Variants in PGM2L1 observed in about 807,000 individuals in gnomAD.
The protein encoded by PGM2L1 is glucose 1,6-bisphosphate synthase.
Under a neutral mutation model 73.4 loss-of-function variants are expected in PGM2L1, and 35 were observed. The observed-to-expected ratio is 0.48, with a 90% CI of 0.36 to 0.63. PGM2L1 has a LOEUF of 0.63. PGM2L1 is among the 30% of genes least tolerant of loss of function. PGM2L1 has a pLI of 0.00. For synonymous variants in PGM2L1, 225 were observed against 253.8 expected (o/e 0.89, Z 1.08); for missense variants, 570 against 742.0 (o/e 0.77, Z 2.69).
Position 74,336,906 on chromosome 11 carries a change from A to C in PGM2L1, c.1767-152T>G, listed in dbSNP as rs548325555. On this transcript the variant is annotated intron_variant, in intron 13 of 13. Coordinates refer to ENST00000298198, the MANE Select transcript of PGM2L1 (RefSeq NM_173582.6). ...ACTTGGTTAAAACAAAACAAGACCA[A>C]AAAAAAAAATTACACACAAAGAAAA... 80 of 511,366 alleles carry C rather than the reference A, an allele frequency of 1.6e-4. 1 individual carries two copies. Among genetic ancestry groups the C allele is most frequent in the African/African-American group, 1.5e-3 (75 of 50,506 alleles). The allele number at this position is 511,366 out of a possible 1,614,324, so 31.7% of individuals were successfully genotyped here.
Position 74,335,941 on chromosome 11 carries a change from G to A in PGM2L1, c.*711C>T, listed in dbSNP as rs1469412244. Reference sequence around the variant, plus strand: ...GTTTTTTCTGTTCACACCAGACCCTGAGAAGGCACTGAGAAATTTGATAAG... The same window carrying A: ...GTTTTTTCTGTTCACACCAGACCCTAAGAAGGCACTGAGAAATTTGATAAG... On this transcript the variant is annotated 3_prime_UTR_variant, in exon 14 of 14. Coordinates refer to ENST00000298198, the MANE Select transcript of PGM2L1 (RefSeq NM_173582.6). 2 of 152,620 alleles carry A rather than the reference G, an allele frequency of 1.3e-5. No homozygotes were observed. The highest frequency in any genetic ancestry group is 4.8e-5 in the African/African-American group (2 of 41,444). The allele number at this position is 152,620 out of a possible 1,614,324, so 9.5% of individuals were successfully genotyped here. A position where few individuals can be genotyped will look rare whatever the true frequency, so the allele number is the denominator to read the frequency against.
intron 1 of PGM2L1, among the ~76,000 whole-genome samples, chr11:74,386,812 T>C (rs1863024663): frequency 1.3e-5 from 2 of 152,046 alleles, no homozygotes; most frequent in Admixed American, 1.3e-4. Context: ...AAAAACAAAA[T>C]GATATTTTAA....
At position 74,368,375 on chromosome 11, in the gene PGM2L1, CT is replaced by C. The variant is rs889698101; in HGVS notation, c.555+116del. On this transcript the variant is annotated intron_variant, in intron 5 of 13. Transcript: ENST00000298198. The stretch of plus-strand genomic sequence containing the variant: ...TGAGGACCAGCCTCAGTGTTTTTAA[CT>C]TTCTGTTCCCAATGTCTAGCTCTGC... The C allele has an allele frequency of 3.9e-5, 32 of 818,756 alleles. No homozygotes were observed. In the Admixed American group the frequency reaches 7.7e-4, roughly 20 times the overall value. The allele number at this position is 818,756 out of a possible 1,614,324, so 50.7% of individuals were successfully genotyped here. A position where few individuals can be genotyped will look rare whatever the true frequency, so the allele number is the denominator to read the frequency against.
intron 5 of PGM2L1, among the ~76,000 whole-genome samples, chr11:74,364,413 A>G (rs1862618824): frequency 6.6e-6 from 1 of 152,182 alleles, no homozygotes; most frequent in Non-Finnish European, 1.5e-5. Context: ...TAGGAAAAGA[A>G]GAAGTCAAAT....
intron 5 of PGM2L1, among the ~76,000 whole-genome samples, chr11:74,368,221 C>T (rs569645383): frequency 1.4e-4 from 22 of 152,056 alleles, no homozygotes; most frequent in South Asian, 6.2e-4. Flanking sequence ...CTTTATGAAA[C>T]GGTAGAGAGG....
chr11:74,344,620 C>T (rs569548078), intron 9 of PGM2L1, among the ~76,000 whole-genome samples: 1 of 152,180 alleles, frequency 6.6e-6, no homozygotes, highest in Non-Finnish European at 1.5e-5. Context: ...CTCCCTGCTA[C>T]AACAAAAACA....
chr11:74,382,489 C>CTATTTT (rs566971908), intron 1 of PGM2L1, among the ~76,000 whole-genome samples: 9 of 152,168 alleles, frequency 5.9e-5, no homozygotes, highest in South Asian at 4.2e-4. Flanking sequence ...ACTGTATTTA[C>CTATTTT]TATTTTTATT....
intron 9 of PGM2L1, 78 bp from the exon 10 acceptor site, chr11:74,343,494 C>A (rs772464959): frequency 1.9e-5 from 29 of 1,554,210 alleles, no homozygotes; most frequent in African/African-American, 2.8e-5. Flanking sequence ...CCACTACATG[C>A]ACACAACGTT....
At position 74,336,559 on chromosome 11, in the gene PGM2L1, A is replaced by C; in HGVS notation, c.*93T>G. 2 of 715,668 alleles carry C rather than the reference A, an allele frequency of 2.8e-6. No individual in the cohort carries two copies. The highest frequency in any genetic ancestry group is 4.4e-6 in the Non-Finnish European group (2 of 455,770). The allele number at this position is 715,668 out of a possible 1,614,324, so 44.3% of individuals were successfully genotyped here. ...AAAAAGATACTCGGCCAGATGAGAT[A>C]GAGAGAGAATGCTAACACAAGGTTC... is the stretch of plus-strand genomic sequence containing the variant. On this transcript the variant is annotated 3_prime_UTR_variant, in exon 14 of 14. Coordinates refer to ENST00000298198, the MANE Select transcript of PGM2L1 (RefSeq NM_173582.6).
chr11:74,374,643 CT>C, intron 1 of PGM2L1, 61 bp from the exon 2 acceptor site: 1 of 1,448,350 alleles, frequency 6.9e-7, no homozygotes, highest in Non-Finnish European at 9.5e-7. Context: ...ATATTAAGCC[CT>C]TCTGAGGGGT....
At chr11:74,356,958 C>T (rs912085626) in intron 5 of PGM2L1, among the ~76,000 whole-genome samples, 6 of 152,152 alleles carry the variant, frequency 3.9e-5, no homozygotes, top group African/African-American at 4.8e-5. Context: ...CTCAGACTCC[C>T]GAGTAGCTAG....
chr11:74,351,505 A>G lies in PGM2L1; in HGVS notation c.627T>C (p.Cys209=), dbSNP rs1323524323. 1 of 1,613,728 alleles carries G rather than the reference A, an allele frequency of 6.2e-7. No homozygotes were observed. Among genetic ancestry groups the G allele is most frequent in the South Asian group, 1.1e-5 (1 of 91,068 alleles). ...DKEILKCIEE[C]VEPWNGSWND... ...TCCAGGAACCATTCCAGGGTTCCACACATTCTTCTATACATTTTAGAATTT... is the reference window on the plus strand; with the variant it reads ...TCCAGGAACCATTCCAGGGTTCCACGCATTCTTCTATACATTTTAGAATTT... The change falls in exon 6 of 14, where the codon TGT becomes TGC. Residue 209 remains cysteine, a synonymous_variant. Coordinates refer to ENST00000298198, the MANE Select transcript of PGM2L1 (RefSeq NM_173582.6).
chr11:74,363,371 G>A (rs1243790037), intron 5 of PGM2L1, among the ~76,000 whole-genome samples: 2 of 151,918 alleles, frequency 1.3e-5, no homozygotes, highest in African/African-American at 4.8e-5. Context: ...CTAGCAGAAG[G>A]CAAGAAATAA....
At chr11:74,351,623 G>T (rs1459353778) in intron 5 of PGM2L1, 47 bp from the exon 6 acceptor site, 1 of 1,474,334 alleles carries the variant, frequency 6.8e-7, no homozygotes, top group Admixed American at 2.1e-5. Context: ...ATGCTTGCCA[G>T]ATCTTTTCTT....
chr11:74,389,282 C>G (rs61258589), intron 1 of PGM2L1, among the ~76,000 whole-genome samples: 31,194 of 151,810 alleles, frequency 0.21, 3,537 homozygotes, highest in East Asian at 0.3. Context: ...AAACAAAAAC[C>G]CTGAGCTAAT....
chr11:74,347,379 C>T (rs1311260404), intron 6 of PGM2L1, 42 bp from the exon 7 acceptor site: 3 of 1,420,970 alleles, frequency 2.1e-6, no homozygotes, highest in Non-Finnish European at 9.5e-7. Flanking sequence ...TACAAAACCT[C>T]TTACCTTTGA....
At chr11:74,337,427 C>A (rs189827617) in intron 13 of PGM2L1, among the ~76,000 whole-genome samples, 1 of 152,140 alleles carries the variant, frequency 6.6e-6, no homozygotes, top group Non-Finnish European at 1.5e-5. Context: ...CTTTATCCCC[C>A]CCAAAGGAAA....
intron 1 of PGM2L1, among the ~76,000 whole-genome samples, chr11:74,391,250 T>A (rs1403219793): frequency 6.6e-6 from 1 of 151,856 alleles, no homozygotes; most frequent in African/African-American, 2.4e-5. Flanking sequence ...TTTTTTTTTT[T>A]AATGTTGTTG....
Position 74,342,495 on chromosome 11 carries a change from G to A in PGM2L1, c.1598C>T (p.Thr533Ile). The A allele has an allele frequency of 1.9e-6, 3 of 1,560,516 alleles. No homozygotes were observed. Among genetic ancestry groups the A allele is most frequent in the South Asian group, 1.3e-5 (1 of 79,982 alleles). ...FAILHVRDVT[T>I]GYDSSQPNKK... ...ATTAGGCTGGCTACTGTCATATCCA[G>A]TGGTAACGTCCCGTACATGCAATAT... The change falls in exon 12 of 14, where the codon ACT becomes ATT. Residue 533 changes from threonine to isoleucine, a missense_variant. By Grantham distance (89) the Thr-to-Ile change is moderately conservative. Transcript: ENST00000298198.
Sources: gnomAD v4.1 joint callset for allele counts (sites outside exome capture counted in the v4.1 genomes callset) on GRCh38, gnomAD v4.1.1 for gene constraint, MANE v1.5 for transcripts, NCBI Gene and HGNC (gene_info 2026-07-23, HGNC 2026-07-21) for gene names.